The following KHDRBS3 variants were observed in gnomAD, a reference collection of about 807,000 sequenced individuals.
KHDRBS3 encodes the protein KH domain-containing, RNA-binding, signal transduction-associated protein 3.
Under a neutral mutation model 45.6 loss-of-function variants are expected in KHDRBS3, and 23 were observed. That is an observed-to-expected ratio of 0.50 (90% CI 0.36 to 0.72). The LOEUF (loss-of-function observed/expected upper bound fraction) is 0.72, where lower values mean the gene tolerates loss of function less well. KHDRBS3 is among the 30% of genes least tolerant of loss of function. The pLI, the probability that KHDRBS3 is intolerant of heterozygous loss-of-function variation, is 0.00. For missense variants in KHDRBS3, 352 were observed against 424.8 expected (o/e 0.83, Z 1.51); for synonymous variants, 162 against 156.5 (o/e 1.04, Z -0.26).
intron 7 of KHDRBS3, among the ~76,000 whole-genome samples, chr8:135,637,552 A>G (rs778903579): frequency 1.3e-5 from 2 of 152,256 alleles, no homozygotes; most frequent in African/African-American, 2.4e-5. Flanking sequence ...TTAAATTTAA[A>G]TAGTACAGAA....
chr8:135,512,899 A>AGG (rs1824375595), intron 1 of KHDRBS3, among the ~76,000 whole-genome samples: 2 of 152,158 alleles, frequency 1.3e-5, no homozygotes, highest in Admixed American at 1.3e-4. Flanking sequence ...TGTGGGGTGA[A>AGG]GGGGAAGTTG....
chr8:135,564,087 T>G (rs1287989602), intron 5 of KHDRBS3, among the ~76,000 whole-genome samples: 1 of 152,246 alleles, frequency 6.6e-6, no homozygotes, highest in Non-Finnish European at 1.5e-5. Context: ...TTTCAGCTAC[T>G]GTTTCTTCCG....
At chr8:135,459,615 C>A (rs1821324542) in intron 1 of KHDRBS3, among the ~76,000 whole-genome samples, 1 of 152,174 alleles carries the variant, frequency 6.6e-6, no homozygotes, top group Non-Finnish European at 1.5e-5. Flanking sequence ...GGACTGTGGA[C>A]TCAAGTGCAT....
intron 7 of KHDRBS3, among the ~76,000 whole-genome samples, chr8:135,627,154 T>C (rs570636936): frequency 6.6e-6 from 1 of 152,334 alleles, no homozygotes; most frequent in East Asian, 1.9e-4. Flanking sequence ...TTTTCTCTCA[T>C]GCAAGGATGT....
At chr8:135,550,359 A>AT (rs1563761714) in intron 4 of KHDRBS3, among the ~76,000 whole-genome samples, 1 of 152,038 alleles carries the variant, frequency 6.6e-6, no homozygotes, top group African/African-American at 2.4e-5. Flanking sequence ...TATTTTAAAA[A>AT]TTTTTCAGTA....
chr8:135,462,275 T>G (rs1444463994), intron 1 of KHDRBS3, among the ~76,000 whole-genome samples: 1 of 151,264 alleles, frequency 6.6e-6, no homozygotes, highest in Non-Finnish European at 1.5e-5. Context: ...TCACTCACAG[T>G]GTTAGATATG....
intron 7 of KHDRBS3, among the ~76,000 whole-genome samples, chr8:135,610,220 C>T (rs1829653937): frequency 6.6e-6 from 1 of 151,886 alleles, no homozygotes; most frequent in African/African-American, 2.4e-5. Context: ...CTAGCATTTA[C>T]TTAGAGCCTG....
intron 6 of KHDRBS3, among the ~76,000 whole-genome samples, chr8:135,587,794 T>C (rs1001662714): frequency 6.6e-6 from 1 of 152,158 alleles, no homozygotes; most frequent in African/African-American, 2.4e-5. Context: ...TATAAATTGT[T>C]TTAGGGTCAA....
rs71528400 is a variant in KHDRBS3, at chr8:135,571,732, G to A, written c.612-10146G>A. ...GAAGAGAAGCAGGGCGTTCGAGGCT[G>A]GGGATTAGAGTTGGGGGAACTCTGG... On this transcript the variant is annotated intron_variant, in intron 5 of 8. Coordinates refer to ENST00000355849, the MANE Select transcript of KHDRBS3 (RefSeq NM_006558.3). Among the ~76,000 whole-genome samples the A allele has an allele frequency of 9.9e-3, 1,507 of 152,148 alleles. 10 individuals carry two copies. Among genetic ancestry groups the A allele is most frequent in the Non-Finnish European group, 0.013 (871 of 68,000 alleles).
chr8:135,472,996 T>C (rs1414025612), intron 1 of KHDRBS3, among the ~76,000 whole-genome samples: 1 of 152,072 alleles, frequency 6.6e-6, no homozygotes, highest in East Asian at 1.9e-4. Flanking sequence ...AAAAGTTTAC[T>C]GAATTCTGTA....
chr8:135,629,382 G>A (rs1190655131), intron 7 of KHDRBS3, among the ~76,000 whole-genome samples: 1 of 152,222 alleles, frequency 6.6e-6, no homozygotes, highest in African/African-American at 2.4e-5. Flanking sequence ...GACAGCTGCA[G>A]CAGACACTTA....
chr8:135,512,522 C>T (rs1031679455), intron 1 of KHDRBS3, among the ~76,000 whole-genome samples: 1 of 151,252 alleles, frequency 6.6e-6, no homozygotes, highest in African/African-American at 2.4e-5. Flanking sequence ...ATTTTCTGAC[C>T]CTTTTATGAA....
chr8:135,644,089 A>G (rs1208713018), intron 7 of KHDRBS3, among the ~76,000 whole-genome samples: 1 of 152,198 alleles, frequency 6.6e-6, no homozygotes, highest in Non-Finnish European at 1.5e-5. Flanking sequence ...GGAAAGAGGA[A>G]AGCCTGAGAG....
intron 7 of KHDRBS3, among the ~76,000 whole-genome samples, chr8:135,623,551 C>A (rs1586820802): frequency 6.7e-6 from 1 of 149,848 alleles, no homozygotes. Flanking sequence ...GTTGTGTCAC[C>A]AAAGCTAAGT....
chr8:135,502,356 A>G (rs943396400), intron 1 of KHDRBS3, among the ~76,000 whole-genome samples: 4 of 152,122 alleles, frequency 2.6e-5, no homozygotes, highest in Non-Finnish European at 4.4e-5. Flanking sequence ...ACATGGATAT[A>G]TCTATGAAGT....
chr8:135,529,910 G>A (rs1294516421), intron 2 of KHDRBS3, among the ~76,000 whole-genome samples: 4 of 151,990 alleles, frequency 2.6e-5, no homozygotes, highest in African/African-American at 9.7e-5. Flanking sequence ...AATTAGCCAG[G>A]CGTGGTGGCG....
At chr8:135,608,901 A>G (rs1455309452) in intron 7 of KHDRBS3, among the ~76,000 whole-genome samples, 1 of 152,200 alleles carries the variant, frequency 6.6e-6, no homozygotes, top group African/African-American at 2.4e-5. Context: ...AAACAGAAAA[A>G]CTTCAGTAAA....
chr8:135,512,623 A>G (rs16905385), intron 1 of KHDRBS3, among the ~76,000 whole-genome samples: 5 of 152,222 alleles, frequency 3.3e-5, no homozygotes, highest in African/African-American at 9.6e-5. Flanking sequence ...CAAACTCACT[A>G]TACTCCTTTA....
chr8:135,643,827 G>T (rs1831169108), intron 7 of KHDRBS3, among the ~76,000 whole-genome samples: 1 of 152,198 alleles, frequency 6.6e-6, no homozygotes, highest in South Asian at 2.1e-4. Context: ...TGTCAAATGG[G>T]TATGGCAGTT....
Sources: gnomAD v4.1 joint callset for allele counts (sites outside exome capture counted in the v4.1 genomes callset) on GRCh38, gnomAD v4.1.1 for gene constraint, MANE v1.5 for transcripts, NCBI Gene and HGNC (gene_info 2026-07-23, HGNC 2026-07-21) for gene names.